OSBPL8: variants seen among roughly 807,000 people sequenced by gnomAD.
OSBPL8 encodes oxysterol binding protein like 8.
In OSBPL8, 59 loss-of-function variants were observed where a neutral mutation model predicts 125.5. The ratio of observed to expected loss-of-function variants is 0.47; its 90% CI spans 0.38 to 0.58. The LOEUF is 0.58. Among genes scored for constraint, OSBPL8 ranks in the 20% least tolerant of loss-of-function variants. OSBPL8 has a pLI of 0.00. For missense variants in OSBPL8, 758 were observed against 1,047.8 expected, an observed-to-expected ratio of 0.72 and a Z score of 3.82; for synonymous variants, 330 against 338.9, an observed-to-expected ratio of 0.97 and a Z score of 0.29.
chr12:76,357,240 C>T (rs551137378), intron 22 of OSBPL8, among the ~76,000 whole-genome samples: 58 of 152,258 alleles, frequency 3.8e-4, no homozygotes, highest in African/African-American at 1.4e-3. Flanking sequence ...TCCTACTTAA[C>T]CTCTCTGCAA....
chr12:76,433,155 T>C (rs1229862857), intron 4 of OSBPL8, among the ~76,000 whole-genome samples: 1 of 152,190 alleles, frequency 6.6e-6, no homozygotes, highest in Non-Finnish European at 1.5e-5. Flanking sequence ...ACACTTTCTC[T>C]AAGATCCAGA....
chr12:76,448,066 G>A (rs1276840315), intron 4 of OSBPL8, among the ~76,000 whole-genome samples: 1 of 152,098 alleles, frequency 6.6e-6, no homozygotes, highest in African/African-American at 2.4e-5. Context: ...TTTGTTAGAT[G>A]TAATAAAGGT....
chr12:76,356,796 T>A, intron 22 of OSBPL8, 68 bp from the exon 23 acceptor site: 1 of 1,101,442 alleles, frequency 9.1e-7, no homozygotes, highest in South Asian at 1.5e-5. Flanking sequence ...ATGTGTCTCA[T>A]GTAATAAAAA....
At chr12:76,480,675 G>A (rs544808668) in intron 2 of OSBPL8, among the ~76,000 whole-genome samples, 49 of 152,128 alleles carry the variant, frequency 3.2e-4, no homozygotes, top group Non-Finnish European at 6.2e-4. Context: ...CATTATTTAG[G>A]ACTTCAATCT....
At chr12:76,559,140 C>A (rs1300404233) in intron 1 of OSBPL8, among the ~76,000 whole-genome samples, 1 of 152,224 alleles carries the variant, frequency 6.6e-6, no homozygotes, top group African/African-American at 2.4e-5. Flanking sequence ...AATGCTCCAA[C>A]AGCCTCCCAC....
chr12:76,513,095 A>C (rs776686654), intron 1 of OSBPL8, among the ~76,000 whole-genome samples: 1 of 152,180 alleles, frequency 6.6e-6, no homozygotes, highest in Non-Finnish European at 1.5e-5. Context: ...TTTTCATGTA[A>C]TTGCATGGTT....
intron 3 of OSBPL8, among the ~76,000 whole-genome samples, chr12:76,457,617 T>C (rs1874217836): frequency 6.6e-6 from 1 of 152,218 alleles, no homozygotes; most frequent in South Asian, 2.1e-4. Context: ...CTTTAAAAGA[T>C]ATATGGTCTC....
intron 15 of OSBPL8, among the ~76,000 whole-genome samples, chr12:76,381,157 C>T (rs1953032294): frequency 1.3e-5 from 2 of 151,996 alleles, no homozygotes; most frequent in Admixed American, 6.6e-5. Context: ...TGATTTGTTA[C>T]TACTTAAGAA....
intron 4 of OSBPL8, among the ~76,000 whole-genome samples, chr12:76,436,846 T>A (rs2136626982): frequency 6.6e-6 from 1 of 152,290 alleles, no homozygotes; most frequent in South Asian, 2.1e-4. Flanking sequence ...GAGTTCACCA[T>A]TTTCCCCAAT....
At chr12:76,384,022 ATCAT>A (rs945911999) in intron 15 of OSBPL8, among the ~76,000 whole-genome samples, 8 of 152,350 alleles carry the variant, frequency 5.3e-5, no homozygotes, top group African/African-American at 1.9e-4. Context: ...ATAATGGGCA[ATCAT>A]TCTGTCTTTT....
intron 1 of OSBPL8, among the ~76,000 whole-genome samples, chr12:76,545,355 A>G (rs1950755369): frequency 6.6e-6 from 1 of 152,152 alleles, no homozygotes. Context: ...CTGTTCTAAG[A>G]TACTAGGAAA....
Position 76,352,512 on chromosome 12 carries a change from T to C in OSBPL8, c.*3377A>G, listed in dbSNP as rs1951859509. On this transcript the variant is annotated 3_prime_UTR_variant, in exon 24 of 24. Coordinates refer to ENST00000261183, the MANE Select transcript of OSBPL8 (RefSeq NM_020841.5). Reference sequence around the variant, plus strand: ...CAGGTTATACATTTTAAAGAATCTCTTTCCACTTAGTCAAATAAGATAGAA... The same window carrying C: ...CAGGTTATACATTTTAAAGAATCTCCTTCCACTTAGTCAAATAAGATAGAA... 6.6e-6 allele frequency: 1 copy of C among 152,574 alleles called. No individual in the cohort carries two copies. Among genetic ancestry groups the C allele is most frequent in the Non-Finnish European group, 1.5e-5 (1 of 67,972 alleles). 9.5% of individuals were successfully genotyped at this position (152,574 alleles called of 1,614,324 possible).
chr12:76,369,829 C>T lies in OSBPL8; in HGVS notation c.2055-7G>A. Reference sequence around the variant, plus strand: ...AGTTACCCGTTGCCAGAGTCTAATACATGTGCGAAAATATTAAAAGTATTA... The same window carrying T: ...AGTTACCCGTTGCCAGAGTCTAATATATGTGCGAAAATATTAAAAGTATTA... On this transcript the variant is annotated splice_region_variant and splice_polypyrimidine_tract_variant and intron_variant, in intron 19 of 23. Coordinates refer to ENST00000261183, the MANE Select transcript of OSBPL8 (RefSeq NM_020841.5). The T allele has an allele frequency of 6.3e-7, 1 of 1,598,412 alleles. No homozygotes were observed. The highest frequency in any genetic ancestry group is 1.1e-5 in the South Asian group (1 of 88,270).
intron 1 of OSBPL8, among the ~76,000 whole-genome samples, chr12:76,493,282 G>C (rs17042316): frequency 0.046 from 6,959 of 152,228 alleles, 566 homozygotes; most frequent in African/African-American, 0.16. Flanking sequence ...ACCAAGAAGA[G>C]CTCTACAAGT....
chr12:76,403,108 A>AT (rs145258859), intron 5 of OSBPL8, among the ~76,000 whole-genome samples: 6,537 of 152,218 alleles, frequency 0.043, 503 homozygotes, highest in African/African-American at 0.15. Flanking sequence ...TTATCTTTTA[A>AT]TAGTTGAAAT....
At chr12:76,373,501 CA>C in intron 17 of OSBPL8, 68 bp from the exon 18 acceptor site, 1 of 1,156,980 alleles carries the variant, frequency 8.6e-7, no homozygotes, top group East Asian at 2.5e-5. Flanking sequence ...AAAACCAAAA[CA>C]AAAAACCCAA....
chr12:76,505,045 C>T (rs1489040082), intron 1 of OSBPL8, among the ~76,000 whole-genome samples: 1 of 152,148 alleles, frequency 6.6e-6, no homozygotes, highest in East Asian at 1.9e-4. Context: ...GCCCACCAAA[C>T]TATTCTTGAA....
At chr12:76,376,745 T>C (rs748000792) in intron 16 of OSBPL8, among the ~76,000 whole-genome samples, 10 of 152,182 alleles carry the variant, frequency 6.6e-5, no homozygotes, top group Non-Finnish European at 1.2e-4. Flanking sequence ...GGCTCTTTTG[T>C]ACATGCTGGG....
intron 2 of OSBPL8, among the ~76,000 whole-genome samples, chr12:76,486,749 T>C (rs1303621191): frequency 6.6e-6 from 1 of 152,188 alleles, no homozygotes; most frequent in Admixed American, 6.5e-5. Flanking sequence ...AAAAAGAATA[T>C]ATGTGGCAAT....
Sources: gnomAD v4.1 joint callset for allele counts (sites outside exome capture counted in the v4.1 genomes callset) on GRCh38, gnomAD v4.1.1 for gene constraint, MANE v1.5 for transcripts, NCBI Gene and HGNC (gene_info 2026-07-23, HGNC 2026-07-21) for gene names.